TCF4: variants seen among roughly 807,000 people sequenced by gnomAD.
TCF4 encodes transcription factor 4, also known as SL3-3 enhancer factor 2.
In TCF4, 3 loss-of-function variants were observed where a neutral mutation model predicts 82.1. That is an observed-to-expected ratio of 0.04 (90% CI 0.02 to 0.09). The LOEUF is 0.09. Among genes scored for constraint, TCF4 ranks in the 10% least tolerant of loss-of-function variants. TCF4 has a pLI of 1.00. For synonymous variants in TCF4, 276 were observed against 309.6 expected, an observed-to-expected ratio of 0.89 and a Z score of 1.14; for missense variants, 518 against 852.7, an observed-to-expected ratio of 0.61 and a Z score of 4.89.
rs983385323 is a variant in TCF4 at position 55,346,690 on chromosome 18, G to A, written c.549+3669C>T. On this transcript the variant is annotated intron_variant, in intron 8 of 19. Transcript: ENST00000354452. ...CACCAAAGTCTGAAGTAGAAAGTTT[G>A]TAGTTGTTAACAGTTTCTGATAAAA... Among the ~76,000 whole-genome samples the A allele has an allele frequency of 5.9e-5, 9 of 152,264 alleles. No individual in the cohort carries two copies. The East Asian group carries it at 1.3e-3, about 23-fold the overall frequency.
intron 5 of TCF4, among the ~76,000 whole-genome samples, chr18:55,406,451 AG>A (rs1411034898): frequency 3.3e-5 from 5 of 152,162 alleles, no homozygotes; most frequent in African/African-American, 1.2e-4. Flanking sequence ...CTCAGTTTCT[AG>A]AAAAGAAACT....
intron 2 of TCF4, among the ~76,000 whole-genome samples, chr18:55,611,490 A>G (rs191794883): frequency 5.9e-5 from 9 of 152,278 alleles, no homozygotes; most frequent in Admixed American, 5.9e-4. Flanking sequence ...ACCCTTTTAC[A>G]AAACCAAAGC....
intron 3 of TCF4, among the ~76,000 whole-genome samples, chr18:55,500,764 A>G (rs149064448): frequency 6.6e-6 from 1 of 152,342 alleles, no homozygotes; most frequent in African/African-American, 2.4e-5. Context: ...ATTCAAAAGC[A>G]TATGTTAGAG....
At chr18:55,237,391 C>T (rs574431908) in intron 15 of TCF4, among the ~76,000 whole-genome samples, 4 of 151,704 alleles carry the variant, frequency 2.6e-5, no homozygotes, top group Non-Finnish European at 5.9e-5. Context: ...TACCTAACTC[C>T]ATCTATTTTC....
chr18:55,571,646 G>GGAACACAAAGGTT (rs2097469402), intron 3 of TCF4, among the ~76,000 whole-genome samples: 1 of 152,070 alleles, frequency 6.6e-6, no homozygotes, highest in African/African-American at 2.4e-5. Context: ...TGCAGTAGCA[G>GGAACACAAAGGTT]CCTGTGTAGA....
At chr18:55,306,605 G>C (rs930359684) in intron 8 of TCF4, among the ~76,000 whole-genome samples, 1 of 152,234 alleles carries the variant, frequency 6.6e-6, no homozygotes, top group Non-Finnish European at 1.5e-5. Context: ...CGACAGGCAT[G>C]AAAGAGGTGT....
chr18:55,451,044 T>C (rs1490625649), intron 5 of TCF4, among the ~76,000 whole-genome samples: 1 of 152,228 alleles, frequency 6.6e-6, no homozygotes, highest in Non-Finnish European at 1.5e-5. Flanking sequence ...ATAGGATTAC[T>C]GTTTTGTGGA....
chr18:55,598,083 A>G (rs1300596303), intron 2 of TCF4, among the ~76,000 whole-genome samples: 2 of 152,252 alleles, frequency 1.3e-5, no homozygotes, highest in African/African-American at 4.8e-5. Flanking sequence ...GACAAACTAT[A>G]TAGAGAGTTA....
chr18:55,387,755 T>G lies in TCF4; in HGVS notation c.369+15699A>C, dbSNP rs1247214303. Among the ~76,000 whole-genome samples the G allele has an allele frequency of 2.0e-5, 3 of 152,194 alleles. No homozygotes were observed. The East Asian group carries it at 5.8e-4, about 29-fold the overall frequency. On this transcript the variant is annotated intron_variant, in intron 6 of 19. Transcript: ENST00000354452. ...GACACCCTCTGGCTCTGTGACAGTA[T>G]GATTCAATGGTAGCTTAACAAAGGG...
chr18:55,434,568 C>T (rs1413107807), intron 5 of TCF4, among the ~76,000 whole-genome samples: 2 of 151,470 alleles, frequency 1.3e-5, no homozygotes, highest in African/African-American at 2.4e-5. Flanking sequence ...TACAGGCACC[C>T]GCCACCACGC....
intron 8 of TCF4, among the ~76,000 whole-genome samples, chr18:55,327,989 T>C (rs1436309078): frequency 6.6e-6 from 1 of 152,126 alleles, no homozygotes; most frequent in Non-Finnish European, 1.5e-5. Context: ...ACATAACATC[T>C]TCTAGGAAAT....
intron 3 of TCF4, among the ~76,000 whole-genome samples, chr18:55,570,896 A>C (rs1170182536): frequency 6.6e-6 from 1 of 151,810 alleles, no homozygotes; most frequent in African/African-American, 2.4e-5. Flanking sequence ...CCTCAAAAAA[A>C]AAAAAAAAAA....
At chr18:55,403,898 A>G in intron 5 of TCF4, 1 of 1,429,762 alleles carries the variant, frequency 7.0e-7, no homozygotes, top group Non-Finnish European at 9.1e-7. Context: ...AGTAATTCCC[A>G]TTGATTATAT....
chr18:55,474,674 C>A lies in TCF4; in HGVS notation c.146-10537G>T, dbSNP rs1169692770. 2.0e-5 allele frequency among the ~76,000 whole-genome samples: 3 copies of A among 152,156 alleles called. No homozygotes were observed. In the East Asian group the frequency reaches 5.8e-4, roughly 29 times the overall value. On this transcript the variant is annotated intron_variant, in intron 3 of 19. Transcript: ENST00000354452. ...ATCCTAACCCCACCTGGGAACTGAT[C>A]AAGAAAAGATCAAGGGTTGAAGTCA...
In TCF4 at chr18:55,512,337, A is replaced by G. The variant is rs78407424; in HGVS notation, c.146-48200T>C. Among the ~76,000 whole-genome samples the G allele has an allele frequency of 1.7e-3, 252 of 152,282 alleles. 2 individuals are homozygous for G. Among genetic ancestry groups the G allele is most frequent in the East Asian group, 0.012 (60 of 5,190 alleles). ...CCTTTAAAAATCACACTTTCAAAACATTCAAGGACATTGGAAAATATTCAT... is the reference window on the plus strand; with the variant it reads ...CCTTTAAAAATCACACTTTCAAAACGTTCAAGGACATTGGAAAATATTCAT... On this transcript the variant is annotated intron_variant, in intron 3 of 19. Transcript: ENST00000354452.
intron 3 of TCF4, among the ~76,000 whole-genome samples, chr18:55,481,751 G>A (rs369736933): frequency 2.0e-5 from 3 of 152,212 alleles, no homozygotes; most frequent in Admixed American, 6.5e-5. Context: ...ACTCCTAGAC[G>A]TCCAATTCAA....
chr18:55,252,560 T>G (rs2055555351), intron 15 of TCF4, among the ~76,000 whole-genome samples: 2 of 151,912 alleles, frequency 1.3e-5, no homozygotes, highest in South Asian at 2.1e-4. Context: ...CAAAAAGGAG[T>G]CAATTCAAAG....
intron 5 of TCF4, among the ~76,000 whole-genome samples, chr18:55,414,906 C>T (rs2094473863): frequency 6.6e-6 from 1 of 152,312 alleles, no homozygotes; most frequent in South Asian, 2.1e-4. Flanking sequence ...ACCAAAAATG[C>T]TTTTATAAAG....
chr18:55,256,513 T>A (rs1333882375), intron 14 of TCF4, among the ~76,000 whole-genome samples: 1 of 152,128 alleles, frequency 6.6e-6, no homozygotes, highest in Admixed American at 6.6e-5. Flanking sequence ...TTTGCTTTTC[T>A]TTTCAGATTT....
Sources: allele counts gnomAD v4.1 joint callset (sites outside exome capture counted in the v4.1 genomes callset), GRCh38; gene constraint gnomAD v4.1.1; transcripts MANE v1.5; gene names NCBI Gene and HGNC (gene_info 2026-07-23, HGNC 2026-07-21).